The following ZMIZ1 variants were observed in gnomAD, a reference collection of about 807,000 sequenced individuals.
ZMIZ1 encodes the protein zinc finger MIZ domain-containing protein 1.
In ZMIZ1, 17 loss-of-function variants were observed where a neutral mutation model predicts 113.9. The observed-to-expected ratio is 0.15, with a 90% CI of 0.10 to 0.22. ZMIZ1 has a LOEUF of 0.22. Ranked by LOEUF, ZMIZ1 falls within the 10% of genes least tolerant of loss-of-function variation. The probability of loss-of-function intolerance (pLI) is 1.00; values close to 1 mark genes in which losing one functional copy is unlikely to be tolerated. For missense variants in ZMIZ1, 1,059 were observed against 1,477.8 expected, an observed-to-expected ratio of 0.72 and a Z score of 4.65; for synonymous variants, 607 against 603.1, an observed-to-expected ratio of 1.01 and a Z score of -0.09.
In ZMIZ1 at chr10:79,184,848, C is replaced by T. The variant is rs138532437; in HGVS notation, c.-49-16736C>T. Among the ~76,000 whole-genome samples, 716 of 152,278 alleles carry T rather than the reference C, an allele frequency of 4.7e-3. 5 individuals are homozygous for T. The highest frequency in any genetic ancestry group is 0.016 in the African/African-American group (665 of 41,558). ...TGGCCTTTGCTGATCCATTGCTGCCCGTCCCCGAGTCTTTACTGCCTCCTC... is the reference window on the plus strand; with the variant it reads ...TGGCCTTTGCTGATCCATTGCTGCCTGTCCCCGAGTCTTTACTGCCTCCTC... On this transcript the variant is annotated intron_variant, in intron 4 of 24. Transcript: ENST00000334512.
chr10:79,085,529 G>C (rs187558991), intron 1 of ZMIZ1, among the ~76,000 whole-genome samples: 2 of 152,346 alleles, frequency 1.3e-5, no homozygotes, highest in African/African-American at 4.8e-5. Context: ...GGGATGAGAG[G>C]CCTTCCATGG....
chr10:79,208,226 G>T, intron 5 of ZMIZ1, 110 bp from the exon 6 acceptor site: 1 of 850,826 alleles, frequency 1.2e-6, no homozygotes. Context: ...ACCCCTTTCT[G>T]TGAACCTCCT....
At chr10:79,245,088 C>G (rs118154534) in intron 7 of ZMIZ1, among the ~76,000 whole-genome samples, 3 of 152,294 alleles carry the variant, frequency 2.0e-5, no homozygotes, top group East Asian at 3.9e-4. Context: ...AACCACCAAA[C>G]GGCGATGCTT....
At chr10:79,104,775 C>G (rs574656008) in intron 1 of ZMIZ1, among the ~76,000 whole-genome samples, 1 of 152,308 alleles carries the variant, frequency 6.6e-6, no homozygotes, top group African/African-American at 2.4e-5. Flanking sequence ...CCACGGCACT[C>G]TGAGCATCAG....
At chr10:79,165,201 C>A (rs1359095656) in intron 4 of ZMIZ1, among the ~76,000 whole-genome samples, 1 of 152,204 alleles carries the variant, frequency 6.6e-6, no homozygotes, top group Non-Finnish European at 1.5e-5. Flanking sequence ...GGGCCACGAT[C>A]CTTCAGGAGA....
intron 3 of ZMIZ1, among the ~76,000 whole-genome samples, chr10:79,158,667 C>T (rs1845993532): frequency 6.6e-6 from 1 of 152,208 alleles, no homozygotes; most frequent in Non-Finnish European, 1.5e-5. Context: ...CAGACTCAGC[C>T]CCGGGTCAAC....
intron 7 of ZMIZ1, among the ~76,000 whole-genome samples, chr10:79,225,738 C>T (rs1195927928): frequency 1.3e-5 from 2 of 152,156 alleles, no homozygotes; most frequent in African/African-American, 2.4e-5. Context: ...CTGTGACTAC[C>T]TAAGCAACCT....
chr10:79,222,225 T>C (rs1267081709), intron 7 of ZMIZ1, among the ~76,000 whole-genome samples: 1 of 152,196 alleles, frequency 6.6e-6, no homozygotes, highest in Non-Finnish European at 1.5e-5. Flanking sequence ...ATTCACTGTT[T>C]AGGAAATTTG....
At chr10:79,236,032 T>G (rs1206606786) in intron 7 of ZMIZ1, among the ~76,000 whole-genome samples, 1 of 152,188 alleles carries the variant, frequency 6.6e-6, no homozygotes, top group Non-Finnish European at 1.5e-5. Context: ...TGATGTCGAT[T>G]GAGCTGGCTT....
intron 7 of ZMIZ1, 167 bp downstream of exon 7, chr10:79,216,441 T>A: frequency 1.8e-6 from 1 of 557,144 alleles, no homozygotes; most frequent in Non-Finnish European, 3.1e-6. Context: ...GGACCCACAG[T>A]TGGGGCTGTC....
intron 6 of ZMIZ1, among the ~76,000 whole-genome samples, chr10:79,214,973 C>T (rs1166393237): frequency 2.6e-5 from 4 of 152,192 alleles, no homozygotes; most frequent in Non-Finnish European, 5.9e-5. Context: ...CCCCGTCCCA[C>T]ACTGCCCCCC....
At chr10:79,227,858 G>A (rs1247322846) in intron 7 of ZMIZ1, among the ~76,000 whole-genome samples, 1 of 152,210 alleles carries the variant, frequency 6.6e-6, no homozygotes, top group Non-Finnish European at 1.5e-5. Flanking sequence ...AGGTTTAGAT[G>A]GGGCTAAGAA....
chr10:79,100,843 G>T (rs898604902), intron 1 of ZMIZ1, among the ~76,000 whole-genome samples: 1 of 152,184 alleles, frequency 6.6e-6, no homozygotes, highest in African/African-American at 2.4e-5. Flanking sequence ...ATTTCCAAGT[G>T]CCGTGAGGGT....
intron 4 of ZMIZ1, among the ~76,000 whole-genome samples, chr10:79,193,379 A>C (rs703970): frequency 0.62 from 94,459 of 152,140 alleles, 29,486 homozygotes; most frequent in South Asian, 0.66. Flanking sequence ...ATCCCACCAG[A>C]AGTACATGTA....
chr10:79,222,500 C>T (rs976857842), intron 7 of ZMIZ1, among the ~76,000 whole-genome samples: 2 of 152,192 alleles, frequency 1.3e-5, no homozygotes, highest in African/African-American at 4.8e-5. Flanking sequence ...CAGAGTGGAT[C>T]GCTTACTTTT....
At chr10:79,269,368 G>T (rs76352075) in intron 7 of ZMIZ1, among the ~76,000 whole-genome samples, 1 of 151,718 alleles carries the variant, frequency 6.6e-6, no homozygotes, top group African/African-American at 2.4e-5. Flanking sequence ...CCATTGCTTC[G>T]CAGGCCTCTT....
At chr10:79,255,080 C>T (rs569058393) in intron 7 of ZMIZ1, among the ~76,000 whole-genome samples, 16 of 152,340 alleles carry the variant, frequency 1.1e-4, no homozygotes, top group Middle Eastern at 3.4e-3. Flanking sequence ...ACGTTGCCCT[C>T]CACCCAGCCC....
At position 79,316,154 on chromosome 10, in the gene ZMIZ1, G is replaced by A. The variant is rs1855521604; in HGVS notation, c.*3405G>A. 6.6e-6 allele frequency: 1 copy of A among 152,660 alleles called. No individual in the cohort carries two copies. The highest frequency in any genetic ancestry group is 6.5e-5 in the Admixed American group (1 of 15,288). 9.5% of individuals were successfully genotyped at this position (152,660 alleles called of 1,614,324 possible). On this transcript the variant is annotated 3_prime_UTR_variant, in exon 25 of 25. Transcript: ENST00000334512. ...ATAATTTTTGATATCATGATCACAGGTGATTCACACGTACACACATAAACA... is the reference window on the plus strand; with the variant it reads ...ATAATTTTTGATATCATGATCACAGATGATTCACACGTACACACATAAACA...
intron 13 of ZMIZ1, 28 bp from the exon 14 acceptor site, chr10:79,297,585 C>G (rs1045936479): frequency 2.5e-6 from 4 of 1,604,630 alleles, no homozygotes; most frequent in Admixed American, 1.7e-5. Context: ...CTGCCCCCCA[C>G]TCAGTGTTGT....
Sources: allele counts gnomAD v4.1 joint callset (sites outside exome capture counted in the v4.1 genomes callset), GRCh38; gene constraint gnomAD v4.1.1; transcripts MANE v1.5; gene names NCBI Gene and HGNC (gene_info 2026-07-23, HGNC 2026-07-21).